The following DOHH variants were observed in gnomAD, a reference collection of about 807,000 sequenced individuals.
DOHH encodes the protein HEAT-like (PBS lyase) repeat containing 1.
DOHH carries 16 observed loss-of-function variants against 19.9 expected under a neutral mutation model. That is an observed-to-expected ratio of 0.80 (90% confidence interval 0.54 to 1.22). The LOEUF (loss-of-function observed/expected upper bound fraction) is 1.22. DOHH is among the 50% of genes most tolerant of loss of function. The pLI is 0.00. For synonymous variants in DOHH, 233 were observed against 217.0 expected (o/e 1.07, Z -0.65); for missense variants, 460 against 460.6 (o/e 1.00, Z 0.01).
In DOHH at chr19:3,491,605, C is replaced by G. The variant is rs762024967; in HGVS notation, c.796G>C (p.Glu266Gln). The change falls in exon 5 of 5, where the codon GAG (glutamate) becomes CAG (glutamine). Residue 266 changes from glutamate (E) to glutamine (Q), a missense_variant. Coordinates refer to ENST00000427575, the MANE Select transcript of DOHH (RefSeq NM_001145165.2). This position sits in a 1 kb window ranked among gnomAD's most constrained non-coding sequence, Gnocchi z 5.6. ...TCGCAGCTCTCACGCACCACGCGCT[C>G]TGGGTCGTCCGCGTGAGCCTGCAGC... ...AALQAHADDP[E>Q]RVVRESCEVA... 1.3e-6 allele frequency: 2 copies of G among 1,535,956 alleles called. No homozygotes were observed. Among genetic ancestry groups the G allele is most frequent in the Admixed American group, 2.0e-5 (1 of 50,972 alleles).
chr19:3,496,720 C>T lies in DOHH; in HGVS notation c.95G>A (p.Arg32His), dbSNP rs1216330853. ...AATGGCGCCTGGGCCGCCGAGCCCA[C>T]GCAGCGTGAACAGCGCCCGGAAGCG... ...QARFRALFTL[R>H]GLGGPGAIAW... Residue 32 changes from arginine (R) to histidine (H), a missense_variant, in exon 2 of 5, where the codon CGT (arginine) becomes CAT (histidine). Coordinates refer to ENST00000427575, the MANE Select transcript of DOHH (RefSeq NM_001145165.2). The surrounding 1 kb of genome is among the most constrained non-coding windows in gnomAD (Gnocchi z 4.8). 9 of 1,613,242 alleles carry T rather than the reference C, an allele frequency of 5.6e-6. No individual in the cohort carries two copies. Among genetic ancestry groups the T allele is most frequent in the Middle Eastern group, 1.7e-4 (1 of 6,058 alleles).
Position 3,496,046 on chromosome 19 carries a change from CT to C in DOHH, c.274+494del, listed in dbSNP as rs755255161. Among the ~76,000 whole-genome samples, 1 of 152,170 alleles carries C rather than the reference CT, an allele frequency of 6.6e-6. No homozygotes were observed. Among genetic ancestry groups the C allele is most frequent in the Non-Finnish European group, 1.5e-5 (1 of 68,032 alleles). On this transcript the variant is annotated intron_variant, in intron 2 of 4. Transcript: ENST00000427575. The surrounding 1 kb of genome is among the most constrained non-coding windows in gnomAD (Gnocchi z 4.8). ...GTTTTTTCACAGACAGGATCTCACT[CT>C]GTTGCCCAGGCTGGAGTGCGGTGGC...
intron 1 of DOHH, among the ~76,000 whole-genome samples, chr19:3,498,981 G>A (rs1314201037): frequency 6.6e-6 from 1 of 152,148 alleles, no homozygotes; most frequent in African/African-American, 2.4e-5. Flanking sequence ...TTAGATGGAT[G>A]CTCAGTTACA....
intron 1 of DOHH, among the ~76,000 whole-genome samples, chr19:3,497,975 G>T (rs1266985993): frequency 6.6e-6 from 1 of 152,098 alleles, no homozygotes; most frequent in Non-Finnish European, 1.5e-5. Context: ...AGATTCAGAA[G>T]TACTTTCAAT....
chr19:3,496,427 ATGG>A lies in DOHH; in HGVS notation c.274+111_274+113del. 6.8e-7 allele frequency: 1 copy of A among 1,461,238 alleles called. No homozygotes were observed. The allele number at this position is 1,461,238 out of a possible 1,614,324, so 90.5% of individuals were successfully genotyped here. A position where few individuals can be genotyped will look rare whatever the true frequency, so the allele number is the denominator to read the frequency against. Reference sequence around the variant, plus strand: ...GCAGGTATTTACTATCTGGTGCTCTATGGGGCAGTTGACCACTCTGATATTTAT... The same window carrying A: ...GCAGGTATTTACTATCTGGTGCTCTAGGCAGTTGACCACTCTGATATTTAT... On this transcript the variant is annotated intron_variant, in intron 2 of 4. Transcript: ENST00000427575. This position sits in a 1 kb window ranked among gnomAD's most constrained non-coding sequence, Gnocchi z 4.8.
rs558502983 is a variant in DOHH, at chr19:3,494,568, T to C, written c.275-464A>G. On this transcript the variant is annotated intron_variant, in intron 2 of 4. Transcript: ENST00000427575. ...GGCCTGCCGGCTGGAGACTCCAGAA[T>C]TTGGGGCCACTGGGGCTACACTTAG... Among the ~76,000 whole-genome samples, 12 of 152,208 alleles carry C rather than the reference T, an allele frequency of 7.9e-5. No individual in the cohort carries two copies. The South Asian group carries it at 2.1e-3, about 26-fold the overall frequency.
Position 3,491,373 on chromosome 19 carries a change from C to A in DOHH, c.*119G>T, listed in dbSNP as rs2082867865. ...ACGGAGGAGGGGGACAGCAACCATG[C>A]GCCCAGCAAGACACAAGCGATGACA... On this transcript the variant is annotated 3_prime_UTR_variant, in exon 5 of 5. Transcript: ENST00000427575. The surrounding 1 kb of genome is among the most constrained non-coding windows in gnomAD (Gnocchi z 5.6). 8 of 1,116,242 alleles carry A rather than the reference C, an allele frequency of 7.2e-6. No homozygotes were observed. The highest frequency in any genetic ancestry group is 2.7e-5 in the East Asian group (1 of 37,408). The allele number at this position is 1,116,242 out of a possible 1,614,324, so 69.1% of individuals were successfully genotyped here. A position where few individuals can be genotyped will look rare whatever the true frequency, so the allele number is the denominator to read the frequency against.
chr19:3,491,617 C>G lies in DOHH; in HGVS notation c.784G>C (p.Ala262Pro). ...CGCACCACGCGCTCTGGGTCGTCCG[C>G]GTGAGCCTGCAGCGCGGCCAGGCAG... ...PACLAALQAH[A>P]DDPERVVRES... The change falls in exon 5 of 5, where the codon GCG (alanine) becomes CCG (proline). Residue 262 changes from alanine (A) to proline (P), a missense_variant. Coordinates refer to ENST00000427575, the MANE Select transcript of DOHH (RefSeq NM_001145165.2). The surrounding 1 kb of genome is among the most constrained non-coding windows in gnomAD (Gnocchi z 5.6). 5 of 1,535,566 alleles carry G rather than the reference C, an allele frequency of 3.3e-6. No homozygotes were observed. Among genetic ancestry groups the G allele is most frequent in the Non-Finnish European group, 4.4e-6 (5 of 1,145,978 alleles).
In DOHH at chr19:3,492,442, C is replaced by G; in HGVS notation, c.409G>C (p.Gly137Arg). The change falls in exon 4 of 5, where the codon GGG becomes CGG. Residue 137 changes from glycine to arginine, a missense_variant. Gly to Arg is a moderately radical substitution (Grantham distance 125). Transcript: ENST00000427575. ...RRLEWLQQHG[G>R]EPAAGPYLSV... ...AGGTAGGGTCCCGCCGCCGGCTCCC[C>G]GCCGTGCTGCTGCAGCCACTCCAGC... The G allele has an allele frequency of 1.3e-6, 2 of 1,481,956 alleles. No homozygotes were observed. The highest frequency in any genetic ancestry group is 1.8e-6 in the Non-Finnish European group (2 of 1,122,614). The allele number at this position is 1,481,956 out of a possible 1,614,324, so 91.8% of individuals were successfully genotyped here.
rs926094768 is a variant in DOHH, at chr19:3,494,209, T to C, written c.275-105A>G. On this transcript the variant is annotated intron_variant, in intron 2 of 4. Transcript: ENST00000427575. ...CACCCCTCCCAGGGCTCTGCCACTG[T>C]GGGGAAGCCCCGCCTCTGTCCACGG... The C allele has an allele frequency of 8.1e-6, 8 of 990,502 alleles. No individual in the cohort carries two copies. The Admixed American group carries it at 9.6e-5, about 12-fold the overall frequency. The allele number at this position is 990,502 out of a possible 1,614,324, so 61.4% of individuals were successfully genotyped here.
At chr19:3,492,627 C>A (rs984771681) in intron 3 of DOHH, 128 bp from the exon 4 acceptor site, 2 of 776,686 alleles carry the variant, frequency 2.6e-6, no homozygotes, top group Non-Finnish European at 3.7e-6. Context: ...TCATTCCAGG[C>A]AGGAAGTAAG....
At chr19:3,492,169 CG>C in intron 4 of DOHH, 92 bp downstream of exon 4, 8 of 1,199,788 alleles carry the variant, frequency 6.7e-6, no homozygotes, top group East Asian at 3.1e-5. Flanking sequence ...ATGCCGTTCC[CG>C]GGGGCAGGCC....
At chr19:3,492,152 G>C (rs1335209932) in intron 4 of DOHH, 110 bp downstream of exon 4, 5 of 1,045,486 alleles carry the variant, frequency 4.8e-6, no homozygotes, top group Non-Finnish European at 6.5e-6. Context: ...TTGGGGCCAG[G>C]CCCGGGATGC....
intron 2 of DOHH, among the ~76,000 whole-genome samples, chr19:3,495,265 A>G (rs60868082): frequency 1.3e-5 from 2 of 151,894 alleles, no homozygotes; most frequent in Non-Finnish European, 2.9e-5. Flanking sequence ...GCGTGAGCCA[A>G]TGCACCCGAC....
In DOHH at chr19:3,491,714, C is replaced by G. The variant is rs1568220164; in HGVS notation, c.687G>C (p.Leu229=). ...CCATGGGGTTCTCGGTGCATCGGGCCAGGGCGGCCGCCAGCTGGGGCACCG... is the reference window on the plus strand; with the variant it reads ...CCATGGGGTTCTCGGTGCATCGGGCGAGGGCGGCCGCCAGCTGGGGCACCG... The part of the protein sequence containing the change: ...EAAVPQLAAA[L]ARCTENPMVR... The change falls in exon 5 of 5, where the codon CTG becomes CTC. Residue 229 remains leucine (L), a synonymous_variant. Transcript: ENST00000427575. This position sits in a 1 kb window ranked among gnomAD's most constrained non-coding sequence, Gnocchi z 5.6. The G allele has an allele frequency of 6.6e-7, 1 of 1,515,504 alleles. No individual in the cohort carries two copies. The highest frequency in any genetic ancestry group is 8.8e-7 in the Non-Finnish European group (1 of 1,135,502). 93.9% of individuals were successfully genotyped at this position (1,515,504 alleles called of 1,614,324 possible).
chr19:3,493,984 C>T, intron 3 of DOHH, 44 bp downstream of exon 3: 1 of 1,589,284 alleles, frequency 6.3e-7, no homozygotes. Context: ...CAGGGCTTCC[C>T]AGGGACCCGA....
intron 3 of DOHH, among the ~76,000 whole-genome samples, chr19:3,493,160 AG>A (rs2082883314): frequency 1.5e-5 from 2 of 135,316 alleles, no homozygotes; most frequent in African/African-American, 5.7e-5. Context: ...AGCCACAAAA[AG>A]GAATGACGGG....
Position 3,496,765 on chromosome 19 carries a change from G to C in DOHH, c.50C>G (p.Pro17Arg). 3 of 1,607,152 alleles carry C rather than the reference G, an allele frequency of 1.9e-6. No individual in the cohort carries two copies. The East Asian group carries it at 6.7e-5, about 36-fold the overall frequency. Reference protein sequence around the residue: ...VDAIGQTLVDPKQPLQARFRA... With the variant: ...VDAIGQTLVDRKQPLQARFRA... The stretch of plus-strand genomic sequence containing the variant: ...GAAGCGGGCCTGCAGGGGCTGCTTG[G>C]GGTCCACCAGCGTCTGCCCGATGGC... Residue 17 changes from proline to arginine, a missense_variant, in exon 2 of 5, where the codon CCC becomes CGC. Coordinates refer to ENST00000427575, the MANE Select transcript of DOHH (RefSeq NM_001145165.2). The surrounding 1 kb of genome is among the most constrained non-coding windows in gnomAD (Gnocchi z 4.8).
intron 1 of DOHH, among the ~76,000 whole-genome samples, chr19:3,499,957 T>G (rs565915007): frequency 6.6e-6 from 1 of 152,288 alleles, no homozygotes; most frequent in African/African-American, 2.4e-5. Flanking sequence ...AGGCACAGTT[T>G]GGGACTGTGC....
Sources: gnomAD v4.1 joint callset for allele counts (sites outside exome capture counted in the v4.1 genomes callset) on GRCh38, gnomAD v4.1.1 for gene constraint, Gnocchi (gnomAD v3.1) non-coding constraint, MANE v1.5 for transcripts, NCBI Gene and HGNC (gene_info 2026-07-23, HGNC 2026-07-21) for gene names.